EVC2: variants seen among roughly 807,000 people sequenced by gnomAD.
The protein encoded by EVC2 is EvC ciliary complex subunit 2.
A neutral mutation model predicts 149.3 loss-of-function variants in EVC2; 148 were observed. The ratio of observed to expected loss-of-function variants is 0.99; its 90% CI spans 0.87 to 1.14. The LOEUF is 1.14. EVC2 is among the 50% of genes most tolerant of loss of function. The pLI, the probability that EVC2 is intolerant of heterozygous loss-of-function variation, is 0.00. For synonymous variants in EVC2, 776 were observed against 649.9 expected, an observed-to-expected ratio of 1.19 and a Z score of -2.95; for missense variants, 1,854 against 1,627.3, an observed-to-expected ratio of 1.14 and a Z score of -2.40.
chr4:5,651,241 A>G (rs978060509), intron 9 of EVC2, among the ~76,000 whole-genome samples: 2 of 94,062 alleles, frequency 2.1e-5, no homozygotes, highest in African/African-American at 9.0e-5. Flanking sequence ...TAGATGAAGT[A>G]TGGATGATAG....
intron 9 of EVC2, among the ~76,000 whole-genome samples, chr4:5,658,267 T>G (rs1228396735): frequency 6.6e-6 from 1 of 152,200 alleles, no homozygotes; most frequent in Non-Finnish European, 1.5e-5. Context: ...AAGTACTGCT[T>G]GCATGAACCA....
chr4:5,533,361 G>C, the EVC2 span, among the ~76,000 whole-genome samples: 1 of 152,186 alleles, frequency 6.6e-6, no homozygotes, highest in Non-Finnish European at 1.5e-5. Context: ...CACAGTCCTG[G>C]CTGCTCAAGG....
At chr4:5,531,037 A>G in the EVC2 span, among the ~76,000 whole-genome samples, 1 of 152,144 alleles carries the variant, frequency 6.6e-6, no homozygotes, top group Admixed American at 6.5e-5. Flanking sequence ...TCTCACAATA[A>G]CACTCTGAGG....
intron 21 of EVC2, among the ~76,000 whole-genome samples, chr4:5,550,680 T>G (rs1180219170): frequency 6.6e-6 from 1 of 152,210 alleles, no homozygotes; most frequent in African/African-American, 2.4e-5. Context: ...AGGAGCCCAA[T>G]GTTAATCCCC....
chr4:5,689,470 G>C, intron 4 of EVC2, 127 bp from the exon 5 acceptor site: 1 of 951,342 alleles, frequency 1.1e-6, no homozygotes. Flanking sequence ...TCTCGCAGAG[G>C]GCCTGGGAAT....
rs73198112 is a variant in EVC2, at chr4:5,600,256, A to G, written c.2829+15166T>C. Among the ~76,000 whole-genome samples the G allele has an allele frequency of 3.4e-3, 524 of 152,350 alleles. 3 individuals carry two copies. The highest frequency in any genetic ancestry group is 6.8e-3 in the Middle Eastern group (2 of 294). ...GAGTACCTACTGAACAGTAGCTGTC[A>G]TCATCATTACCACTTTATTATTTTC... is the stretch of plus-strand genomic sequence containing the variant. On this transcript the variant is annotated intron_variant, in intron 16 of 21. Transcript: ENST00000344408.
At chr4:5,653,596 T>C (rs1718294445) in intron 9 of EVC2, among the ~76,000 whole-genome samples, 1 of 152,152 alleles carries the variant, frequency 6.6e-6, no homozygotes, top group South Asian at 2.1e-4. Flanking sequence ...AAAAGGGGCA[T>C]TTGGTAAAAA....
At chr4:5,669,387 T>A (rs1442752575) in intron 7 of EVC2, among the ~76,000 whole-genome samples, 1 of 152,210 alleles carries the variant, frequency 6.6e-6, no homozygotes, top group Non-Finnish European at 1.5e-5. Flanking sequence ...AAAAATTAAT[T>A]GATGTCCACA....
intron 19 of EVC2, among the ~76,000 whole-genome samples, chr4:5,572,369 G>T (rs13127203): frequency 0.63 from 96,012 of 152,076 alleles, 31,409 homozygotes; most frequent in Non-Finnish European, 0.68. Context: ...AGGGGGGCCT[G>T]CTGAAGGTGA....
chr4:5,556,038 G>A (rs1425549898), intron 21 of EVC2, among the ~76,000 whole-genome samples: 1 of 151,858 alleles, frequency 6.6e-6, no homozygotes, highest in Non-Finnish European at 1.5e-5. Context: ...AATTAGCCGG[G>A]CATGGTGGCA....
At chr4:5,538,570 C>A (rs555549233), downstream of EVC2, among the ~76,000 whole-genome samples, 1 of 152,056 alleles carries the variant, frequency 6.6e-6, no homozygotes, top group African/African-American at 2.4e-5. Context: ...AAATTCTTAA[C>A]AAAATTTTAG....
Position 5,569,295 on chromosome 4 carries a change from G to C in EVC2, c.3361-655C>G, listed in dbSNP as rs1474394969. The stretch of plus-strand genomic sequence containing the variant: ...GCCCAGGGTGGCCTTTGTGGTGGTT[G>C]ACAGCTCTGTGTCTTGATGGTGCTG... On this transcript the variant is annotated intron_variant, in intron 19 of 21. Transcript: ENST00000344408. The surrounding 1 kb of genome is among the most constrained non-coding windows in gnomAD (Gnocchi z 4.8). 6.6e-6 allele frequency among the ~76,000 whole-genome samples: 1 copy of C among 152,170 alleles called. No homozygotes were observed. Among genetic ancestry groups the C allele is most frequent in the African/African-American group, 2.4e-5 (1 of 41,442 alleles).
At chr4:5,558,355 G>A (rs1022369660), downstream of EVC2, among the ~76,000 whole-genome samples, 1 of 152,144 alleles carries the variant, frequency 6.6e-6, no homozygotes, top group African/African-American at 2.4e-5. Context: ...GACTGCCAGG[G>A]GTCCAGGTGG....
rs773218631 is a variant in EVC2 at position 5,689,313 on chromosome 4, G to A, written c.550C>T (p.Arg184Cys). ...VSGSSEAQTARIWLLVNNTKT... is the reference protein window; with the variant it reads ...VSGSSEAQTACIWLLVNNTKT... ...GTGTTGTTAACAAGCAGCCATATGC[G>A]GGCTGTCTGTGCTTCACTCGACCCA... Residue 184 changes from arginine to cysteine, a missense_variant, in exon 5 of 22, where the codon CGC becomes TGC. Transcript: ENST00000344408. 4.3e-5 allele frequency: 70 copies of A among 1,613,986 alleles called. No homozygotes were observed. The East Asian group carries it at 6.0e-4, about 14-fold the overall frequency.
rs923646742 is a variant in EVC2, at chr4:5,636,396, G to A, written c.1470+4118C>T. Among the ~76,000 whole-genome samples the A allele has an allele frequency of 6.6e-6, 1 of 152,108 alleles. No homozygotes were observed. Among genetic ancestry groups the A allele is most frequent in the African/African-American group, 2.4e-5 (1 of 41,420 alleles). On this transcript the variant is annotated intron_variant, in intron 10 of 21. Transcript: ENST00000344408. This position sits in a 1 kb window ranked among gnomAD's most constrained non-coding sequence, Gnocchi z 4.6. ...GCATCCATAAATATAACCACCTGCA[G>A]GTCAAAAATTTCTGTGTGTATTGAA...
rs1157926409 is a variant in EVC2 at position 5,563,088 on chromosome 4, G to A, written c.3687C>T (p.Leu1229=). 6.2e-7 allele frequency: 1 copy of A among 1,614,064 alleles called. No homozygotes were observed. The highest frequency in any genetic ancestry group is 8.5e-7 in the Non-Finnish European group (1 of 1,180,024). Residue 1229 remains leucine (L), a synonymous_variant, in exon 22 of 22, where the codon CTC becomes CTT. Coordinates refer to ENST00000344408, the MANE Select transcript of EVC2 (RefSeq NM_147127.5). ...TTCCAGAGAATATCATCCTCTCTCT[G>A]AGAGGGAGACATGTCTTCTTTAATA... The part of the protein sequence containing the change: ...QSILKKTCLP[L]RERMIFSGKG...
chr4:5,612,884 T>G (rs575541274), intron 16 of EVC2, among the ~76,000 whole-genome samples: 39 of 126,226 alleles, frequency 3.1e-4, no homozygotes, highest in African/African-American at 1.1e-3. Context: ...ATTGTGCCAC[T>G]GCACTCCAGC....
chr4:5,595,573 A>C (rs1484195399), intron 16 of EVC2, among the ~76,000 whole-genome samples: 1 of 152,218 alleles, frequency 6.6e-6, no homozygotes, highest in Non-Finnish European at 1.5e-5. Context: ...AGGAAGCGCT[A>C]AACATGGAAA....
chr4:5,555,393 T>C (rs1320929324), intron 21 of EVC2, among the ~76,000 whole-genome samples: 1 of 152,176 alleles, frequency 6.6e-6, no homozygotes, highest in Non-Finnish European at 1.5e-5. Context: ...CAAATATATG[T>C]TGTCTACCGG....
Sources: gnomAD v4.1 joint callset for allele counts (sites outside exome capture counted in the v4.1 genomes callset) on GRCh38, gnomAD v4.1.1 for gene constraint, Gnocchi (gnomAD v3.1) non-coding constraint, MANE v1.5 for transcripts, NCBI Gene and HGNC (gene_info 2026-07-23, HGNC 2026-07-21) for gene names.